Variants in FKBP9 observed in about 807,000 individuals in gnomAD.
The protein encoded by FKBP9 is FKBP prolyl isomerase 9, also known as peptidyl-prolyl cis-trans isomerase FKBP9.
In FKBP9, 27 loss-of-function variants were observed where a neutral mutation model predicts 55.6. The observed-to-expected ratio is 0.49, with a 90% CI of 0.36 to 0.67. FKBP9 has a LOEUF of 0.67. FKBP9 is among the 30% of genes least tolerant of loss of function. The pLI is 0.00. For synonymous variants in FKBP9, 267 were observed against 296.5 expected (o/e 0.90, Z 1.02); for missense variants, 539 against 742.8 (o/e 0.73, Z 3.19).
At chr7:32,959,761 A>G (rs1783984510) in intron 1 of FKBP9, among the ~76,000 whole-genome samples, 1 of 152,160 alleles carries the variant, frequency 6.6e-6, no homozygotes, top group Non-Finnish European at 1.5e-5. Context: ...TTCATGGTTC[A>G]TTTACGGTGT....
chr7:32,974,841 G>A, intron 2 of FKBP9, 79 bp downstream of exon 2: 1 of 1,311,702 alleles, frequency 7.6e-7, no homozygotes, highest in East Asian at 2.3e-5. Flanking sequence ...CAAACAGACT[G>A]GAGAATCTTG....
At chr7:32,966,225 G>A (rs1784145063) in intron 1 of FKBP9, among the ~76,000 whole-genome samples, 1 of 146,870 alleles carries the variant, frequency 6.8e-6, no homozygotes, top group Non-Finnish European at 1.5e-5. Context: ...CATGAGGATA[G>A]TTATTTATCT....
intron 4 of FKBP9, among the ~76,000 whole-genome samples, chr7:32,978,117 TCG>T (rs1784401982): frequency 6.6e-6 from 1 of 151,616 alleles, no homozygotes; most frequent in Admixed American, 6.6e-5. Context: ...AGACAGCATT[TCG>T]CCATGTTGGC....
chr7:33,005,235 G>A lies in FKBP9; in HGVS notation c.1597G>A (p.Asp533Asn). Residue 533 changes from aspartate (D) to asparagine (N), a missense_variant, in exon 10 of 10, where the codon GAT becomes AAT. Asp to Asn is a conservative substitution (Grantham distance 23, BLOSUM62 1). Coordinates refer to ENST00000242209, the MANE Select transcript of FKBP9 (RefSeq NM_007270.5). ...CAAAGGGAAACTCGCTCCTGGCTTT[G>A]ATGCTGAGCTGATTGTGAAGAATAT... The part of the protein sequence containing the change: ...SGKGKLAPGF[D>N]AELIVKNMFT... 6.2e-7 allele frequency: 1 copy of A among 1,614,158 alleles called. No individual in the cohort carries two copies. Among genetic ancestry groups the A allele is most frequent in the Non-Finnish European group, 8.5e-7 (1 of 1,180,024 alleles).
Position 32,975,351 on chromosome 7 carries a change from C to T in FKBP9, c.537C>T (p.Asp179=), listed in dbSNP as rs377239064. 247 of 1,613,858 alleles carry T rather than the reference C, an allele frequency of 1.5e-4. No individual in the cohort carries two copies. Among genetic ancestry groups the T allele is most frequent in the African/African-American group, 4.0e-4 (30 of 75,024 alleles). ...ACCACTACAACGGGACGTTCCTGGA[C>T]GGAACTCTGTTTGATTCGAGGTAAG... ...VRYHYNGTFL[D]GTLFDSSHNR... Residue 179 remains aspartate, a synonymous_variant, in exon 3 of 10, where the codon GAC becomes GAT. Transcript: ENST00000242209.
intron 1 of FKBP9, among the ~76,000 whole-genome samples, chr7:32,961,380 C>T (rs1784020815): frequency 6.6e-6 from 1 of 152,140 alleles, no homozygotes; most frequent in African/African-American, 2.4e-5. Context: ...ACGTAGAGAG[C>T]TTGTTATACA....
intron 6 of FKBP9, chr7:32,994,981 C>T: frequency 6.4e-6 from 1 of 156,588 alleles, no homozygotes; most frequent in Non-Finnish European, 1.4e-5. Flanking sequence ...TTCTTTCTTT[C>T]TTTTTTGAGG....
intron 1 of FKBP9, among the ~76,000 whole-genome samples, chr7:32,968,567 TTTTC>T (rs1254309909): frequency 2.0e-5 from 3 of 151,110 alleles, no homozygotes; most frequent in South Asian, 2.1e-4. Context: ...GTGGTTTTCT[TTTTC>T]TTTCTTTTTT....
intron 1 of FKBP9, among the ~76,000 whole-genome samples, chr7:32,964,939 C>T (rs1784103571): frequency 6.6e-6 from 1 of 152,160 alleles, no homozygotes; most frequent in Admixed American, 6.5e-5. Flanking sequence ...AGGTGAGTTT[C>T]AGTCCCATTC....
At chr7:32,961,277 A>G (rs1784017852) in intron 1 of FKBP9, among the ~76,000 whole-genome samples, 1 of 152,164 alleles carries the variant, frequency 6.6e-6, no homozygotes. Context: ...CTTTTGATAA[A>G]TATTATTATG....
rs568625700 is a variant in FKBP9 at position 32,988,487 on chromosome 7, T to G, written c.894-20T>G. 1 of 1,613,672 alleles carries G rather than the reference T, an allele frequency of 6.2e-7. No individual in the cohort carries two copies. The highest frequency in any genetic ancestry group is 1.3e-5 in the African/African-American group (1 of 75,028). On this transcript the variant is annotated intron_variant, in intron 5 of 9. Coordinates refer to ENST00000242209, the MANE Select transcript of FKBP9 (RefSeq NM_007270.5). ...GAGGCCCTCATGAATGACCTCTTTC[T>G]TTCCTTTCTTCTTTTCTAGCTACTC... is the stretch of plus-strand genomic sequence containing the variant.
intron 6 of FKBP9, among the ~76,000 whole-genome samples, chr7:32,990,594 A>G (rs1036706964): frequency 2.6e-5 from 4 of 152,220 alleles, no homozygotes; most frequent in Non-Finnish European, 5.9e-5. Context: ...ATCAATACGG[A>G]CAAACATGGG....
At position 33,003,348 on chromosome 7, in the gene FKBP9, T is replaced by A. The variant is rs545089719; in HGVS notation, c.1536+509T>A. Among the ~76,000 whole-genome samples the A allele has an allele frequency of 1.1e-4, 16 of 152,312 alleles. No individual in the cohort carries two copies. The South Asian group carries it at 3.3e-3, about 32-fold the overall frequency. On this transcript the variant is annotated intron_variant, in intron 9 of 9. Coordinates refer to ENST00000242209, the MANE Select transcript of FKBP9 (RefSeq NM_007270.5). ...CTTCCACATCTGCTATTGAAGCACATCCTCCAGCCTTTTCCTCTCTCTCTC... is the reference window on the plus strand; with the variant it reads ...CTTCCACATCTGCTATTGAAGCACAACCTCCAGCCTTTTCCTCTCTCTCTC...
At chr7:32,977,853 A>G (rs1440632637) in intron 4 of FKBP9, among the ~76,000 whole-genome samples, 3 of 136,518 alleles carry the variant, frequency 2.2e-5, no homozygotes, top group Non-Finnish European at 3.2e-5. Context: ...ATACACTCAT[A>G]TATATATATA....
At chr7:32,998,139 C>T (rs1784853109) in intron 7 of FKBP9, among the ~76,000 whole-genome samples, 1 of 152,200 alleles carries the variant, frequency 6.6e-6, no homozygotes, top group African/African-American at 2.4e-5. Flanking sequence ...AAAGAAATCC[C>T]AACCACTGAC....
chr7:32,962,670 C>T (rs1292042048), intron 1 of FKBP9, among the ~76,000 whole-genome samples: 14 of 151,892 alleles, frequency 9.2e-5, no homozygotes, highest in Admixed American at 7.9e-4. Flanking sequence ...GATGGGGTTT[C>T]GCCACCTTGG....
chr7:32,997,657 A>G (rs6944738), intron 7 of FKBP9, among the ~76,000 whole-genome samples: 126,643 of 152,168 alleles, frequency 0.83, 53,210 homozygotes, highest in African/African-American at 0.96. Flanking sequence ...GTGAAACCCC[A>G]TCTCTACTAA....
intron 7 of FKBP9, among the ~76,000 whole-genome samples, chr7:32,996,712 TTCTC>T (rs368627884): frequency 2.1e-5 from 3 of 141,836 alleles, no homozygotes; most frequent in South Asian, 4.9e-4. Context: ...CTTTCTCTCT[TTCTC>T]TCTTTTTTTC....
intron 5 of FKBP9, among the ~76,000 whole-genome samples, chr7:32,980,930 A>G (rs1784465310): frequency 6.6e-6 from 1 of 150,662 alleles, no homozygotes. Flanking sequence ...GATGGGCTTA[A>G]GTTTCTTCAT....
Sources: gnomAD v4.1 joint callset for allele counts (sites outside exome capture counted in the v4.1 genomes callset) on GRCh38, gnomAD v4.1.1 for gene constraint, MANE v1.5 for transcripts, NCBI Gene and HGNC (gene_info 2026-07-23, HGNC 2026-07-21) for gene names.